The following CHSY3 variants were observed in gnomAD, a reference collection of about 807,000 sequenced individuals.
The protein encoded by CHSY3 is N-acetylgalactosaminyl-proteoglycan 3-beta-glucuronosyltransferase 3.
CHSY3 carries 35 observed loss-of-function variants against 67.2 expected under a neutral mutation model. The observed-to-expected ratio is 0.52, with a 90% CI of 0.40 to 0.69. The LOEUF is 0.69. Among genes scored for constraint, CHSY3 ranks in the 30% least tolerant of loss-of-function variants. The pLI is 0.00. For synonymous variants in CHSY3, 474 were observed against 434.7 expected (o/e 1.09, Z -1.12); for missense variants, 1,069 against 1,138.5 (o/e 0.94, Z 0.88).
chr5:129,926,345 A>G (rs909710286), intron 2 of CHSY3, among the ~76,000 whole-genome samples: 1 of 151,978 alleles, frequency 6.6e-6, no homozygotes, highest in Non-Finnish European at 1.5e-5. Context: ...GGTGTGCCAA[A>G]TCTCTTAAGA....
chr5:130,182,040 A>G (rs1770265053), intron 2 of CHSY3, among the ~76,000 whole-genome samples: 1 of 151,978 alleles, frequency 6.6e-6, no homozygotes, highest in African/African-American at 2.4e-5. Context: ...TCTAAGAGAG[A>G]ATTACTGACT....
At chr5:130,183,620 ATAGC>A (rs1770315134) in intron 2 of CHSY3, among the ~76,000 whole-genome samples, 1 of 152,076 alleles carries the variant, frequency 6.6e-6, no homozygotes, top group Admixed American at 6.5e-5. Flanking sequence ...TGTTTTATGT[ATAGC>A]TAGAGGTTCA....
chr5:130,070,063 C>A (rs1276886867), intron 2 of CHSY3, among the ~76,000 whole-genome samples: 1 of 151,862 alleles, frequency 6.6e-6, no homozygotes, highest in Non-Finnish European at 1.5e-5. Context: ...CAGAAAAGAT[C>A]ACATATCTAA....
intron 2 of CHSY3, among the ~76,000 whole-genome samples, chr5:129,955,618 C>T (rs1762149336): frequency 6.6e-6 from 1 of 151,916 alleles, no homozygotes; most frequent in Non-Finnish European, 1.5e-5. Context: ...AAACTCATGT[C>T]ATGAGGGTTT....
chr5:130,171,985 A>G (rs1285590034), intron 2 of CHSY3, among the ~76,000 whole-genome samples: 2 of 152,176 alleles, frequency 1.3e-5, no homozygotes, highest in Non-Finnish European at 2.9e-5. Context: ...GGCCTTAGGC[A>G]TAGCTCAGTG....
intron 2 of CHSY3, among the ~76,000 whole-genome samples, chr5:130,183,696 A>G (rs1424093025): frequency 6.6e-6 from 1 of 152,122 alleles, no homozygotes; most frequent in Non-Finnish European, 1.5e-5. Flanking sequence ...AGAAATCAAA[A>G]AGTTGATTTC....
intron 2 of CHSY3, among the ~76,000 whole-genome samples, chr5:129,910,496 A>G (rs1290174690): frequency 2.0e-5 from 3 of 152,044 alleles, no homozygotes; most frequent in Admixed American, 6.5e-5. Flanking sequence ...GGAGGCATTG[A>G]TTTAATTCTA....
rs140817966 is a variant in CHSY3 at position 130,060,112 on chromosome 5, C to T, written c.1087-124117C>T. ...CTACCAAAATCGGGCAAGAACACAA[C>T]AAAAAGAGAAAACTACAAGGCAACA... On this transcript the variant is annotated intron_variant, in intron 2 of 2. Transcript: ENST00000305031. 5.4e-4 allele frequency among the ~76,000 whole-genome samples: 82 copies of T among 152,012 alleles called. No individual in the cohort carries two copies. The East Asian group carries it at 0.012, about 22-fold the overall frequency.
At chr5:129,942,001 A>G (rs1407272697) in intron 2 of CHSY3, among the ~76,000 whole-genome samples, 1 of 152,200 alleles carries the variant, frequency 6.6e-6, no homozygotes, top group Non-Finnish European at 1.5e-5. Flanking sequence ...GCGTAGGACA[A>G]GGCATAAGAA....
intron 2 of CHSY3, among the ~76,000 whole-genome samples, chr5:129,994,132 G>A (rs1484469814): frequency 6.6e-6 from 1 of 152,076 alleles, no homozygotes; most frequent in Admixed American, 6.6e-5. Flanking sequence ...TTTCTCTCTG[G>A]CTGCCCTTAA....
chr5:130,019,684 C>T (rs750094049), intron 2 of CHSY3, among the ~76,000 whole-genome samples: 1 of 152,208 alleles, frequency 6.6e-6, no homozygotes, highest in Non-Finnish European at 1.5e-5. Context: ...TTTACAACTA[C>T]AATTTCATAG....
intron 2 of CHSY3, among the ~76,000 whole-genome samples, chr5:130,177,907 G>C (rs1393214557): frequency 6.6e-6 from 1 of 151,722 alleles, no homozygotes; most frequent in East Asian, 1.9e-4. Context: ...CTCCTGAACT[G>C]TTCCTTAATT....
chr5:130,029,133 C>T (rs1278157587), intron 2 of CHSY3, among the ~76,000 whole-genome samples: 1 of 152,074 alleles, frequency 6.6e-6, no homozygotes, highest in Non-Finnish European at 1.5e-5. Flanking sequence ...AAGCCAGTTG[C>T]CCCAATCGTC....
intron 2 of CHSY3, among the ~76,000 whole-genome samples, chr5:130,088,751 G>A (rs1580721958): frequency 6.6e-6 from 1 of 152,108 alleles, no homozygotes; most frequent in Non-Finnish European, 1.5e-5. Flanking sequence ...TGGAGAAATA[G>A]GAACACTTTT....
At chr5:130,090,630 T>C (rs1199261270) in intron 2 of CHSY3, among the ~76,000 whole-genome samples, 1 of 152,224 alleles carries the variant, frequency 6.6e-6, no homozygotes, top group Non-Finnish European at 1.5e-5. Flanking sequence ...CTCCAAATTC[T>C]GGAGAACATG....
chr5:130,096,385 A>G (rs1196827226), intron 2 of CHSY3, among the ~76,000 whole-genome samples: 2 of 152,096 alleles, frequency 1.3e-5, no homozygotes, highest in Non-Finnish European at 1.5e-5. Flanking sequence ...GTCAACCAGT[A>G]TGGACTCAAT....
chr5:130,127,086 A>C (rs556428242), intron 2 of CHSY3, among the ~76,000 whole-genome samples: 1 of 152,310 alleles, frequency 6.6e-6, no homozygotes, highest in Admixed American at 6.5e-5. Context: ...ACCATTGGGA[A>C]TCTAATCTGA....
intron 2 of CHSY3, among the ~76,000 whole-genome samples, chr5:130,055,313 A>C (rs1017122947): frequency 1.3e-5 from 2 of 149,834 alleles, no homozygotes; most frequent in East Asian, 1.9e-4. Context: ...TGAACTATGG[A>C]TATGGAGGTC....
At chr5:129,913,124 A>G (rs745444225) in intron 2 of CHSY3, among the ~76,000 whole-genome samples, 6 of 152,208 alleles carry the variant, frequency 3.9e-5, no homozygotes, top group Admixed American at 6.5e-5. Context: ...ACTGTTTGGC[A>G]CATAGAGTAT....
Sources: allele counts gnomAD v4.1 joint callset (sites outside exome capture counted in the v4.1 genomes callset), GRCh38; gene constraint gnomAD v4.1.1; transcripts MANE v1.5; gene names NCBI Gene and HGNC (gene_info 2026-07-23, HGNC 2026-07-21).